Variants in CSPG4 observed in about 807,000 individuals in gnomAD.
The protein encoded by CSPG4 is chondroitin sulfate proteoglycan 4 (melanoma-associated).
Under a neutral mutation model 139.3 loss-of-function variants are expected in CSPG4, and 74 were observed. The ratio of observed to expected loss-of-function variants is 0.53; its 90% CI spans 0.44 to 0.64. The LOEUF (loss-of-function observed/expected upper bound fraction) is 0.64. Among genes scored for constraint, CSPG4 ranks in the 30% least tolerant of loss-of-function variants. CSPG4 has a pLI of 0.00. For missense variants in CSPG4, 2,565 were observed against 3,148.3 expected (o/e 0.81, Z 4.43); for synonymous variants, 1,234 against 1,394.2 (o/e 0.89, Z 2.56).
Position 75,689,645 on chromosome 15 carries a change from G to C in CSPG4, c.1420C>G (p.Arg474Gly). The C allele has an allele frequency of 6.2e-7, 1 of 1,612,888 alleles. No individual in the cohort carries two copies. Among genetic ancestry groups the C allele is most frequent in the Non-Finnish European group, 8.5e-7 (1 of 1,179,860 alleles). ...RKSQVLFSVT[R>G]GARHGELELD... ...TCGAGCTCGCCATGGCGTGCCCCTC[G>C]GGTCACGCTGAACAGCACCTGGGAT... is the stretch of plus-strand genomic sequence containing the variant. Residue 474 changes from arginine to glycine, a missense_variant, in exon 3 of 10, where the codon CGA (arginine) becomes GGA (glycine). Around this residue, in one of 5 missense-constraint regions of CSPG4, gnomAD observed 2,316 missense variants for 2,818.2 expected, o/e 0.82. Transcript: ENST00000308508.
At position 75,687,249 on chromosome 15, in the gene CSPG4, C is replaced by A; in HGVS notation, c.3789+27G>T. ...AGAAGGCCCTCTACCTGGCCCACAC[C>A]CCTGCTCACCACCTCCAACTCCTCA... On this transcript the variant is annotated intron_variant, in intron 3 of 9. Coordinates refer to ENST00000308508, the MANE Select transcript of CSPG4 (RefSeq NM_001897.5). The surrounding 1 kb of genome is among the most constrained non-coding windows in gnomAD (Gnocchi z 5.4). 1 of 1,608,230 alleles carries A rather than the reference C, an allele frequency of 6.2e-7. No homozygotes were observed. Among genetic ancestry groups the A allele is most frequent in the Non-Finnish European group, 8.5e-7 (1 of 1,179,762 alleles).
rs1400079579 is a variant in CSPG4, at chr15:75,676,535, C to T, written c.5984G>A (p.Arg1995Gln). 4.3e-6 allele frequency: 7 copies of T among 1,613,708 alleles called. No homozygotes were observed. The highest frequency in any genetic ancestry group is 5.1e-6 in the Non-Finnish European group (6 of 1,179,980). The stretch of plus-strand genomic sequence containing the variant: ...GAATTGGCTGAAGGCCGAGGTGGGC[C>T]GCCCGCCCACCAGGAGATGCCCATA... ...PQYGHLLVGG[R>Q]PTSAFSQFQI... The change falls in exon 10 of 10, where the codon CGG (arginine) becomes CAG (glutamine). Residue 1995 changes from arginine to glutamine, a missense_variant. This residue lies in a region of CSPG4 where 2,316 missense variants were observed against 2,818.2 expected (regional missense o/e 0.82). Transcript: ENST00000308508.
chr15:75,677,027 C>A lies in CSPG4; in HGVS notation c.5492G>T (p.Arg1831Leu). The change falls in exon 10 of 10, where the codon CGG becomes CTG. Residue 1831 changes from arginine to leucine, a missense_variant. By Grantham distance (102) the Arg-to-Leu change is moderately radical. Coordinates refer to ENST00000308508, the MANE Select transcript of CSPG4 (RefSeq NM_001897.5). The part of the protein sequence containing the change: ...FAITVRDVNE[R>L]PPQPQASVPL... Reference sequence around the variant, plus strand: ...GACAGAGGCCTGTGGCTGAGGGGGCCGCTCATTTACATCCCTCACCGTGAT... The same window carrying A: ...GACAGAGGCCTGTGGCTGAGGGGGCAGCTCATTTACATCCCTCACCGTGAT... 7.0e-7 allele frequency: 1 copy of A among 1,433,626 alleles called. No individual in the cohort carries two copies. The highest frequency in any genetic ancestry group is 9.2e-7 in the Non-Finnish European group (1 of 1,086,760). The allele number at this position is 1,433,626 out of a possible 1,614,324, so 88.8% of individuals were successfully genotyped here. A position where few individuals can be genotyped will look rare whatever the true frequency, so the allele number is the denominator to read the frequency against.
rs746596769 is a variant in CSPG4, at chr15:75,677,324, T to C, written c.5195A>G (p.Asn1732Ser). 1 of 1,420,458 alleles carries C rather than the reference T, an allele frequency of 7.0e-7. No homozygotes were observed. Among genetic ancestry groups the C allele is most frequent in the Admixed American group, 3.0e-5 (1 of 33,238 alleles). The allele number at this position is 1,420,458 out of a possible 1,614,324, so 88.0% of individuals were successfully genotyped here. ...RITVAALDAS[N>S]LLASVPSPQR... ...GGGTGATGGAACGCTGGCCAAGAGA[T>C]TGGAGGCATCCAGAGCAGCCACGGT... The change falls in exon 10 of 10, where the codon AAT becomes AGT. Residue 1732 changes from asparagine (N) to serine (S), a missense_variant. Asn to Ser is a conservative substitution (Grantham distance 46, BLOSUM62 1). Around this residue, in one of 5 missense-constraint regions of CSPG4, gnomAD observed 2,316 missense variants for 2,818.2 expected, o/e 0.82. Coordinates refer to ENST00000308508, the MANE Select transcript of CSPG4 (RefSeq NM_001897.5).
In CSPG4 at chr15:75,704,130, C is replaced by G. The variant is rs1414487949; in HGVS notation, c.88+8538G>C. The stretch of plus-strand genomic sequence containing the variant: ...CCCATTCCAGGCCTAGCCTGCCTTG[C>G]TGCTTGGCCCAGGACAAGCAGCTGG... On this transcript the variant is annotated intron_variant, in intron 1 of 9. Transcript: ENST00000308508. Among the ~76,000 whole-genome samples, 4 of 145,372 alleles carry G rather than the reference C, an allele frequency of 2.8e-5. No homozygotes were observed. The East Asian group carries it at 8.1e-4, about 29-fold the overall frequency.
intron 8 of CSPG4, 132 bp downstream of exon 8, chr15:75,682,161 A>T (rs2141424219): frequency 1.7e-6 from 2 of 1,192,138 alleles, no homozygotes; most frequent in Non-Finnish European, 2.4e-6. Flanking sequence ...TAGCGCCTGG[A>T]CAATGGCAGG....
At chr15:75,683,338 G>C (rs1894005875) in intron 5 of CSPG4, among the ~76,000 whole-genome samples, 1 of 152,156 alleles carries the variant, frequency 6.6e-6, no homozygotes, top group African/African-American at 2.4e-5. Context: ...GAAGGCCCCA[G>C]CTCTTACCCT....
In CSPG4 at chr15:75,682,382, G is replaced by A. The variant is rs142074830; in HGVS notation, c.4861C>T (p.Arg1621Cys). The A allele has an allele frequency of 1.3e-5, 21 of 1,596,788 alleles. No homozygotes were observed. The highest frequency in any genetic ancestry group is 1.7e-5 in the Non-Finnish European group (20 of 1,179,740). Reference sequence around the variant, plus strand: ...CCTAGCTGGGGGCCCCGCACCACACGGTAGAGCAGGAGCTGGGGGTCAGTG... The same window carrying A: ...CCTAGCTGGGGGCCCCGCACCACACAGTAGAGCAGGAGCTGGGGGTCAGTG... Reference protein sequence around the residue: ...AGTDPQLLLYRVVRGPQLGRL... With the variant: ...AGTDPQLLLYCVVRGPQLGRL... The change falls in exon 8 of 10, where the codon CGT becomes TGT. Residue 1621 changes from arginine to cysteine, a missense_variant. Arg to Cys is a radical substitution (Grantham distance 180). This residue lies in a region of CSPG4 where 2,316 missense variants were observed against 2,818.2 expected (regional missense o/e 0.82). Transcript: ENST00000308508.
chr15:75,710,893 C>T (rs1894439256), intron 1 of CSPG4, among the ~76,000 whole-genome samples: 1 of 151,888 alleles, frequency 6.6e-6, no homozygotes, highest in South Asian at 2.1e-4. Context: ...TAAAACCCCA[C>T]AGCACCATGC....
At position 75,675,232 on chromosome 15, in the gene CSPG4, G is replaced by C. The variant is rs1045665114; in HGVS notation, c.*318C>G. 10 of 312,980 alleles carry C rather than the reference G, an allele frequency of 3.2e-5. No individual in the cohort carries two copies. The highest frequency in any genetic ancestry group is 5.2e-5 in the Non-Finnish European group (9 of 172,130). 19.4% of individuals were successfully genotyped at this position (312,980 alleles called of 1,614,324 possible). A position where few individuals can be genotyped will look rare whatever the true frequency, so the allele number is the denominator to read the frequency against. On this transcript the variant is annotated 3_prime_UTR_variant, in exon 10 of 10. Transcript: ENST00000308508. ...CCCAAGGTCACAGACCCAGGACCCA[G>C]AGTCATGACCCATGTAGGAGGTTAC...
intron 1 of CSPG4, among the ~76,000 whole-genome samples, chr15:75,695,457 G>A (rs577568090): frequency 1.3e-5 from 2 of 152,204 alleles, no homozygotes; most frequent in South Asian, 2.1e-4. Flanking sequence ...TGAGCGGGAG[G>A]GGCTCACACA....
chr15:75,704,791 G>A (rs1241644267), intron 1 of CSPG4, among the ~76,000 whole-genome samples: 1 of 152,188 alleles, frequency 6.6e-6, no homozygotes, highest in East Asian at 1.9e-4. Flanking sequence ...AGCGGAGAGG[G>A]CTGTCCCCTC....
At chr15:75,710,393 C>T (rs372696139) in intron 1 of CSPG4, among the ~76,000 whole-genome samples, 2 of 152,182 alleles carry the variant, frequency 1.3e-5, no homozygotes, top group East Asian at 3.9e-4. Flanking sequence ...TCAGAAGGAG[C>T]TGGACACCGC....
chr15:75,706,445 G>A (rs1207108254), intron 1 of CSPG4, among the ~76,000 whole-genome samples: 4 of 148,598 alleles, frequency 2.7e-5, no homozygotes, highest in African/African-American at 9.7e-5. Context: ...GTGTGTGAGT[G>A]TGTGTGTGCA....
In CSPG4 at chr15:75,698,306, A is replaced by G. The variant is rs1357532084; in HGVS notation, c.89-5073T>C. ...TGAAGGGCTCTCTGTCTCCCCTCAT[A>G]GGTGTGTATGTGGTGGGGCGGGGGG... On this transcript the variant is annotated intron_variant, in intron 1 of 9. Transcript: ENST00000308508. This position sits in a 1 kb window ranked among gnomAD's most constrained non-coding sequence, Gnocchi z 4.3. Among the ~76,000 whole-genome samples the G allele has an allele frequency of 1.7e-4, 20 of 116,422 alleles. No homozygotes were observed. The highest frequency in any genetic ancestry group is 2.6e-4 in the Non-Finnish European group (15 of 57,338). 76.4% of individuals were successfully genotyped at this position (116,422 alleles called of 152,430 possible).
intron 3 of CSPG4, among the ~76,000 whole-genome samples, chr15:75,686,621 G>A (rs966230982): frequency 1.3e-5 from 2 of 152,220 alleles, no homozygotes; most frequent in Non-Finnish European, 2.9e-5. Flanking sequence ...CCCAAACGCT[G>A]CCTCCTCCCG....
intron 8 of CSPG4, 132 bp from the exon 9 acceptor site, chr15:75,678,018 T>A: frequency 1.3e-6 from 1 of 743,636 alleles, no homozygotes; most frequent in Non-Finnish European, 2.1e-6. Context: ...TGACCCGCTG[T>A]CTCCCTCACT....
At chr15:75,703,639 C>T (rs71401702) in intron 1 of CSPG4, among the ~76,000 whole-genome samples, 64,376 of 148,304 alleles carry the variant, frequency 0.43, 12,824 homozygotes, top group African/African-American at 0.52. Context: ...CTGTCTTGGG[C>T]ACGGCCGGGA....
Position 75,682,647 on chromosome 15 carries a change from G to C in CSPG4, c.4743C>G (p.Leu1581=). The change falls in exon 7 of 10, where the codon CTC becomes CTG. Residue 1581 remains leucine (L), a synonymous_variant. Coordinates refer to ENST00000308508, the MANE Select transcript of CSPG4 (RefSeq NM_001897.5). The stretch of plus-strand genomic sequence containing the variant: ...GTGTCTGGCTGCCCTTCAGCGAGAG[G>C]AGCACTTGCTTCTGGGCCGTCACTC... The part of the protein sequence containing the change: ...FFRVTAQKQV[L]LSLKGSQTLT... The C allele has an allele frequency of 1.2e-6, 2 of 1,613,172 alleles. No homozygotes were observed. The highest frequency in any genetic ancestry group is 1.7e-6 in the Non-Finnish European group (2 of 1,180,024).
Sources: allele counts gnomAD v4.1 joint callset (sites outside exome capture counted in the v4.1 genomes callset), GRCh38; gene constraint gnomAD v4.1.1; regional missense constraint gnomAD v4.1.1; non-coding constraint Gnocchi (gnomAD v3.1); transcripts MANE v1.5; gene names NCBI Gene and HGNC (gene_info 2026-07-23, HGNC 2026-07-21).